Variants in OXNAD1 observed in about 807,000 individuals in gnomAD.
The protein encoded by OXNAD1 is oxidoreductase NAD binding domain containing 1.
A neutral mutation model predicts 32.9 loss-of-function variants in OXNAD1; 34 were observed. That is an observed-to-expected ratio of 1.03 (90% CI 0.79 to 1.38). The LOEUF (loss-of-function observed/expected upper bound fraction) is 1.38, where lower values mean the gene tolerates loss of function less well. Ranked by LOEUF, OXNAD1 falls within the 40% of genes most tolerant of loss-of-function variation. OXNAD1 has a pLI of 0.00. For missense variants in OXNAD1, 407 were observed against 379.4 expected (o/e 1.07, Z -0.60); for synonymous variants, 134 against 135.2 (o/e 0.99, Z 0.06).
intron 9 of OXNAD1, among the ~76,000 whole-genome samples, chr3:16,324,799 C>G (rs2069531410): frequency 6.6e-6 from 1 of 152,002 alleles, no homozygotes; most frequent in Non-Finnish European, 1.5e-5. Context: ...ATGCAGATCC[C>G]TCTTCTGCAT....
chr3:16,346,945 T>C lies in OXNAD1; in HGVS notation c.*31-2231T>C, dbSNP rs2071762066. On this transcript the variant is annotated intron_variant, in intron 9 of 9. Coordinates refer to the OXNAD1 transcript ENST00000606098. This position sits in a 1 kb window ranked among gnomAD's most constrained non-coding sequence, Gnocchi z 4.4. ...CAACCTCCCCACCTTGCTCTAGACT[T>C]CCTGCTCAATGAGATGAGATGAACA... Among the ~76,000 whole-genome samples, 1 of 152,196 alleles carries C rather than the reference T, an allele frequency of 6.6e-6. No homozygotes were observed. The highest frequency in any genetic ancestry group is 2.1e-4 in the South Asian group (1 of 4,826).
rs2292618 is a variant in OXNAD1 at position 16,301,548 on chromosome 3, C to T, written c.433-78C>T. The T allele has an allele frequency of 8.5e-6, 13 of 1,528,032 alleles. No individual in the cohort carries two copies. In the East Asian group the frequency reaches 2.0e-4, roughly 24 times the overall value. 94.7% of individuals were successfully genotyped at this position (1,528,032 alleles called of 1,614,324 possible). A position where few individuals can be genotyped will look rare whatever the true frequency, so the allele number is the denominator to read the frequency against. On this transcript the variant is annotated intron_variant, in intron 6 of 8. Transcript: ENST00000285083. The surrounding 1 kb of genome is among the most constrained non-coding windows in gnomAD (Gnocchi z 4.1). ...AATACTGATAATACAGGAGATAGACCCAGTTTTATTAAAGTAGAACATTTG... is the reference window on the plus strand; with the variant it reads ...AATACTGATAATACAGGAGATAGACTCAGTTTTATTAAAGTAGAACATTTG...
chr3:16,308,319 C>G (rs1451686411), downstream of OXNAD1, among the ~76,000 whole-genome samples: 1 of 152,008 alleles, frequency 6.6e-6, no homozygotes, highest in Admixed American at 6.6e-5. This position sits in a 1 kb window ranked among gnomAD's most constrained non-coding sequence, Gnocchi z 4.4. Flanking sequence ...TCTTAGGGGC[C>G]CAGGGGTAGC....
Position 16,346,822 on chromosome 3 carries a change from T to C in OXNAD1, c.*31-2354T>C, listed in dbSNP as rs540575283. ...CACAGTCACCTTGTGAGGAGGATCA[T>C]AAGGAGAGCCCTGCAGACAGGCTGA... On this transcript the variant is annotated intron_variant, in intron 9 of 9. Coordinates refer to the OXNAD1 transcript ENST00000606098. The surrounding 1 kb of genome is among the most constrained non-coding windows in gnomAD (Gnocchi z 4.4). Among the ~76,000 whole-genome samples, 2 of 152,158 alleles carry C rather than the reference T, an allele frequency of 1.3e-5. No individual in the cohort carries two copies. The highest frequency in any genetic ancestry group is 2.4e-5 in the African/African-American group (1 of 41,430).
At chr3:16,343,729 T>C (rs62233953) in intron 9 of OXNAD1, among the ~76,000 whole-genome samples, 1 of 152,236 alleles carries the variant, frequency 6.6e-6, no homozygotes, top group African/African-American at 2.4e-5. Context: ...GTTAAAAACC[T>C]GCAACACAAA....
At chr3:16,319,898 G>A (rs1386934305) in intron 9 of OXNAD1, among the ~76,000 whole-genome samples, 5 of 152,192 alleles carry the variant, frequency 3.3e-5, no homozygotes, top group Non-Finnish European at 7.3e-5. Flanking sequence ...ATGGACTCCA[G>A]GTTTTGAGTA....
At chr3:16,285,368 C>G (rs188833608) in intron 4 of OXNAD1, among the ~76,000 whole-genome samples, 1 of 152,298 alleles carries the variant, frequency 6.6e-6, no homozygotes, top group East Asian at 1.9e-4. Context: ...GTGAAGGTCA[C>G]ACTTTCCAAG....
Position 16,283,600 on chromosome 3 carries a change from G to A in OXNAD1, c.184-2742G>A, listed in dbSNP as rs141343223. On this transcript the variant is annotated intron_variant, in intron 4 of 8. Transcript: ENST00000285083. ...CATTGGCTGCTGTTACTTATGGGGA[G>A]TGTTGATGTCAGTTTGTGATTGGCA... Among the ~76,000 whole-genome samples, 446 of 152,314 alleles carry A rather than the reference G, an allele frequency of 2.9e-3. 3 individuals are homozygous for A. Among genetic ancestry groups the A allele is most frequent in the African/African-American group, 0.01 (436 of 41,566 alleles).
intron 4 of OXNAD1, among the ~76,000 whole-genome samples, chr3:16,272,970 T>G (rs1230521161): frequency 1.3e-5 from 2 of 152,164 alleles, no homozygotes; most frequent in Admixed American, 6.5e-5. Context: ...TTAGATTTTT[T>G]GGGCCGTGCT....
chr3:16,342,999 C>T lies in OXNAD1; in HGVS notation c.*31-6177C>T, dbSNP rs111603255. Among the ~76,000 whole-genome samples, 5 of 152,276 alleles carry T rather than the reference C, an allele frequency of 3.3e-5. 1 individual carries two copies. Among genetic ancestry groups the T allele is most frequent in the African/African-American group, 1.2e-4 (5 of 41,558 alleles). On this transcript the variant is annotated intron_variant, in intron 9 of 9. Coordinates refer to the OXNAD1 transcript ENST00000606098. This position sits in a 1 kb window ranked among gnomAD's most constrained non-coding sequence, Gnocchi z 4.0. Reference sequence around the variant, plus strand: ...GGGAATACAGGCACACACCACCATGCCCAGCTAATTTTTATTTTTTTAATG... The same window carrying T: ...GGGAATACAGGCACACACCACCATGTCCAGCTAATTTTTATTTTTTTAATG...
Position 16,303,275 on chromosome 3 carries a change from T to C in OXNAD1, c.785-133T>C. On this transcript the variant is annotated intron_variant, in intron 8 of 8. Transcript: ENST00000285083. The surrounding 1 kb of genome is among the most constrained non-coding windows in gnomAD (Gnocchi z 4.8). Reference sequence around the variant, plus strand: ...GCCCAGATGCCAATAGGAGCCATACTGTGAATGGCTTAAGAAGACTAGACT... The same window carrying C: ...GCCCAGATGCCAATAGGAGCCATACCGTGAATGGCTTAAGAAGACTAGACT... 1 of 1,036,648 alleles carries C rather than the reference T, an allele frequency of 9.6e-7. No homozygotes were observed. The highest frequency in any genetic ancestry group is 1.4e-6 in the Non-Finnish European group (1 of 703,214). 64.2% of individuals were successfully genotyped at this position (1,036,648 alleles called of 1,614,324 possible). A position where few individuals can be genotyped will look rare whatever the true frequency, so the allele number is the denominator to read the frequency against.
rs2066370858 is a variant in OXNAD1, at chr3:16,290,666, G to A, written c.291-4190G>A. Among the ~76,000 whole-genome samples the A allele has an allele frequency of 1.3e-5, 2 of 152,156 alleles. No individual in the cohort carries two copies. On this transcript the variant is annotated intron_variant, in intron 5 of 8. Coordinates refer to ENST00000285083, the MANE Select transcript of OXNAD1 (RefSeq NM_138381.5). This position sits in a 1 kb window ranked among gnomAD's most constrained non-coding sequence, Gnocchi z 4.2. ...TTTAAATTTTTATCTTGTCAGAAAT[G>A]AAAAGAAAGTTAAAGTACTCATGGA... is the stretch of plus-strand genomic sequence containing the variant.
At position 16,346,683 on chromosome 3, in the gene OXNAD1, G is replaced by C. The variant is rs75702557; in HGVS notation, c.*31-2493G>C. Among the ~76,000 whole-genome samples the C allele has an allele frequency of 9.8e-3, 1,498 of 152,276 alleles. 29 individuals carry two copies. Among genetic ancestry groups the C allele is most frequent in the African/African-American group, 0.034 (1,431 of 41,538 alleles). On this transcript the variant is annotated intron_variant, in intron 9 of 9. Coordinates refer to the OXNAD1 transcript ENST00000606098. This position sits in a 1 kb window ranked among gnomAD's most constrained non-coding sequence, Gnocchi z 4.4. ...GCCAATGAGACCTGAGGAAATCTCT[G>C]TTGTGGGTTTCTGGGAAAGCTTTTA...
At chr3:16,272,266 A>G (rs1184527760) in intron 4 of OXNAD1, 1 of 408,334 alleles carries the variant, frequency 2.4e-6, no homozygotes, top group Non-Finnish European at 4.8e-6. Context: ...AAGCTAATCT[A>G]CCACCTGAAG....
At chr3:16,283,484 A>G (rs1333156745) in intron 4 of OXNAD1, among the ~76,000 whole-genome samples, 9 of 152,234 alleles carry the variant, frequency 5.9e-5, no homozygotes, top group Non-Finnish European at 8.8e-5. Flanking sequence ...CTTGGGATAT[A>G]ATATGATTAT....
chr3:16,281,212 T>C (rs2065715608), intron 4 of OXNAD1, among the ~76,000 whole-genome samples: 1 of 152,184 alleles, frequency 6.6e-6, no homozygotes, highest in African/African-American at 2.4e-5. Context: ...TTAAGCAAAA[T>C]AAAATAGTAA....
In OXNAD1 at chr3:16,317,340, A is replaced by C. The variant is rs1400254801; in HGVS notation, c.*30+13748A>C. On this transcript the variant is annotated intron_variant, in intron 9 of 9. Coordinates refer to the OXNAD1 transcript ENST00000435829. The surrounding 1 kb of genome is among the most constrained non-coding windows in gnomAD (Gnocchi z 4.3). The stretch of plus-strand genomic sequence containing the variant: ...CACACCATGTCTGAGTGAGACATAC[A>C]ATTCCCAGCATCCCCCAGCCAGGCA... The C allele has an allele frequency of 2.6e-6, 3 of 1,171,548 alleles. No homozygotes were observed. The highest frequency in any genetic ancestry group is 2.3e-5 in the Admixed American group (1 of 42,560). The allele number at this position is 1,171,548 out of a possible 1,614,324, so 72.6% of individuals were successfully genotyped here.
chr3:16,346,015 C>CA lies in OXNAD1; in HGVS notation c.*31-3157dup, dbSNP rs1404313090. The CA allele has an allele frequency of 6.6e-6, 1 of 152,104 alleles. No individual in the cohort carries two copies. The highest frequency in any genetic ancestry group is 1.5e-5 in the Non-Finnish European group (1 of 68,024). The allele number at this position is 152,104 out of a possible 1,614,324, so 9.4% of individuals were successfully genotyped here. A position where few individuals can be genotyped will look rare whatever the true frequency, so the allele number is the denominator to read the frequency against. ...TCCTCTCTTCCTCTGCAGCAAGAAT[C>CA]AAAATTCACTTTGCCCCATGATCTT... is the stretch of plus-strand genomic sequence containing the variant. On this transcript the variant is annotated intron_variant, in intron 9 of 9. Coordinates refer to the OXNAD1 transcript ENST00000606098. This position sits in a 1 kb window ranked among gnomAD's most constrained non-coding sequence, Gnocchi z 4.4.
At chr3:16,331,802 T>C (rs148741802) in intron 9 of OXNAD1, among the ~76,000 whole-genome samples, 32 of 152,370 alleles carry the variant, frequency 2.1e-4, no homozygotes, top group African/African-American at 7.2e-4. Flanking sequence ...GCACATCCTG[T>C]AGTGACTCTC....
Sources: gnomAD v4.1 joint callset for allele counts (sites outside exome capture counted in the v4.1 genomes callset) on GRCh38, gnomAD v4.1.1 for gene constraint, Gnocchi (gnomAD v3.1) non-coding constraint, MANE v1.5 for transcripts, NCBI Gene and HGNC (gene_info 2026-07-23, HGNC 2026-07-21) for gene names.